The following PBRM1 variants were observed in gnomAD, a reference collection of about 807,000 sequenced individuals.
The protein encoded by PBRM1 is protein polybromo-1.
Under a neutral mutation model 194.5 loss-of-function variants are expected in PBRM1, and 27 were observed. The observed-to-expected ratio is 0.14, with a 90% CI of 0.10 to 0.19. The LOEUF is 0.19. PBRM1 is among the 10% of genes least tolerant of loss of function. The probability of loss-of-function intolerance (pLI) is 1.00; values close to 1 mark genes in which losing one functional copy is unlikely to be tolerated. For missense variants in PBRM1, 1,466 were observed against 2,077.2 expected (o/e 0.71, Z 5.72); for synonymous variants, 655 against 693.2 (o/e 0.94, Z 0.87).
chr3:52,548,344 T>A, intron 29 of PBRM1, 109 bp from the exon 32 acceptor site: 1 of 632,006 alleles, frequency 1.6e-6, no homozygotes, highest in Non-Finnish European at 2.5e-6. Flanking sequence ...TGAATATTTA[T>A]TAAATATTAT....
rs1577977923 is a variant in PBRM1, at chr3:52,664,013, T to G, written c.385-1737A>C. On this transcript the variant is annotated intron_variant, in intron 3 of 29. Coordinates refer to ENST00000296302, the Ensembl canonical transcript of PBRM1. The stretch of plus-strand genomic sequence containing the variant: ...AGGCGGAGCTTGCAGTAAGCCGAGA[T>G]AGCGCCACTGAACTCCAGCCTGGGT... Among the ~76,000 whole-genome samples, 8 of 148,572 alleles carry G rather than the reference T, an allele frequency of 5.4e-5. No homozygotes were observed. In the South Asian group the frequency reaches 1.7e-3, roughly 32 times the overall value.
At chr3:52,659,323 T>C (rs1297293776) in intron 4 of PBRM1, among the ~76,000 whole-genome samples, 2 of 152,250 alleles carry the variant, frequency 1.3e-5, no homozygotes, top group African/African-American at 2.4e-5. Flanking sequence ...TTTTTGTACA[T>C]ATAAAATAAA....
intron 1 of PBRM1, among the ~76,000 whole-genome samples, chr3:52,679,259 A>G (rs2097163503): frequency 6.8e-6 from 1 of 147,054 alleles, no homozygotes; most frequent in Non-Finnish European, 1.5e-5. Context: ...CCCGCCTGGA[A>G]TCTAAGTTCC....
At chr3:52,636,298 A>G (rs2095809291) in intron 10 of PBRM1, among the ~76,000 whole-genome samples, 1 of 152,176 alleles carries the variant, frequency 6.6e-6, no homozygotes, top group Non-Finnish European at 1.5e-5. Flanking sequence ...AATCATAAAA[A>G]CACCAAAGCA....
intron 6 of PBRM1, among the ~76,000 whole-genome samples, chr3:52,650,929 A>C (rs2096473880): frequency 6.6e-6 from 1 of 152,290 alleles, no homozygotes; most frequent in Non-Finnish European, 1.5e-5. Flanking sequence ...TCAGTCACAC[A>C]ATTAATATTT....
At chr3:52,678,041 C>G (rs2097142711) in intron 2 of PBRM1, among the ~76,000 whole-genome samples, 1 of 151,688 alleles carries the variant, frequency 6.6e-6, no homozygotes, top group Non-Finnish European at 1.5e-5. Context: ...GCTAATTTTT[C>G]AAAAAATTTT....
chr3:52,641,463 A>G (rs1221444150), intron 10 of PBRM1, among the ~76,000 whole-genome samples: 4 of 147,088 alleles, frequency 2.7e-5, no homozygotes, highest in African/African-American at 7.7e-5. Context: ...AAAAAAAAAA[A>G]GAAAAAAAAA....
chr3:52,643,216 TC>T, intron 9 of PBRM1, 31 bp downstream of exon 10: 2 of 1,438,984 alleles, frequency 1.4e-6, no homozygotes, highest in Non-Finnish European at 2.0e-6. Context: ...TAAGCACAGG[TC>T]AACTCTCAGA....
chr3:52,558,475 T>C (rs1269495741), intron 25 of PBRM1, 62 bp from the exon 28 acceptor site: 20 of 1,391,114 alleles, frequency 1.4e-5, no homozygotes, highest in East Asian at 7.6e-5. Flanking sequence ...ATACCATCCA[T>C]TGCATTCAAC....
intron 13 of PBRM1, among the ~76,000 whole-genome samples, chr3:52,620,372 C>G (rs1222138449): frequency 6.6e-6 from 1 of 152,152 alleles, no homozygotes; most frequent in East Asian, 1.9e-4. Flanking sequence ...CAGGATCTCT[C>G]CAATAAACAG....
intron 10 of PBRM1, among the ~76,000 whole-genome samples, chr3:52,637,773 C>CAAAAAAAA (rs755241328): frequency 0.022 from 945 of 42,170 alleles, 61 homozygotes; most frequent in African/African-American, 0.057. Context: ...ACTAAAAATA[C>CAAAAAAAA]AAAAAAAAAA....
intron 2 of PBRM1, among the ~76,000 whole-genome samples, chr3:52,672,703 AG>A (rs1392547794): frequency 6.6e-6 from 1 of 151,944 alleles, no homozygotes; most frequent in Non-Finnish European, 1.5e-5. Flanking sequence ...CATGTTGGTC[AG>A]GCTGGTCTCG....
chr3:52,679,252 G>A (rs762897933), intron 1 of PBRM1, among the ~76,000 whole-genome samples: 17 of 150,018 alleles, frequency 1.1e-4, no homozygotes, highest in Admixed American at 8.8e-4. Context: ...TACTTCCCCC[G>A]CCTGGAATCT....
At chr3:52,584,162 A>G (rs1275888860) in intron 20 of PBRM1, among the ~76,000 whole-genome samples, 2 of 152,072 alleles carry the variant, frequency 1.3e-5, no homozygotes, top group African/African-American at 4.8e-5. Flanking sequence ...AATCTATGCA[A>G]GTCTTTTATG....
chr3:52,612,500 G>A (rs750789029), intron 15 of PBRM1, among the ~76,000 whole-genome samples: 8 of 152,068 alleles, frequency 5.3e-5, no homozygotes, highest in Non-Finnish European at 1.0e-4. Context: ...AAGCAAGCCT[G>A]TCTAACCTAG....
rs1560514447 is a variant in PBRM1 at position 52,628,875 on chromosome 3, C to CA, written c.1443+18dup. The CA allele has an allele frequency of 6.2e-7, 1 of 1,611,980 alleles. No individual in the cohort carries two copies. Among genetic ancestry groups the CA allele is most frequent in the Non-Finnish European group, 8.5e-7 (1 of 1,178,702 alleles). ...TTAATCATATATACAACAAACTCAG[C>CA]AAAAACAATAAATCACACCTGCATA... On this transcript the variant is annotated intron_variant, in intron 12 of 29. Transcript: ENST00000296302.
chr3:52,634,865 G>T, intron 10 of PBRM1, 50 bp from the exon 12 acceptor site: 3 of 1,255,254 alleles, frequency 2.4e-6, no homozygotes, highest in Non-Finnish European at 2.3e-6. Flanking sequence ...GATGAAGAAA[G>T]AACCATACTT....
chr3:52,653,911 A>G (rs1297293291), intron 5 of PBRM1, among the ~76,000 whole-genome samples: 1 of 152,222 alleles, frequency 6.6e-6, no homozygotes, highest in Admixed American at 6.5e-5. Context: ...CTGTCTTGAA[A>G]AAAGAAAAGA....
rs571962559 is a variant in PBRM1, at chr3:52,591,788, G to C, written c.2780-2533C>G. On this transcript the variant is annotated intron_variant, in intron 17 of 29. Transcript: ENST00000296302. ...CCGCCCCGGCCTCCCAAGCTGTTGGGATTACAGGCGTCAGCCACTGCGCCC... is the reference window on the plus strand; with the variant it reads ...CCGCCCCGGCCTCCCAAGCTGTTGGCATTACAGGCGTCAGCCACTGCGCCC... Among the ~76,000 whole-genome samples, 51 of 146,348 alleles carry C rather than the reference G, an allele frequency of 3.5e-4. 2 individuals carry two copies. Among genetic ancestry groups the C allele is most frequent in the African/African-American group, 1.3e-3 (51 of 39,836 alleles).
Sources: allele counts gnomAD v4.1 joint callset (sites outside exome capture counted in the v4.1 genomes callset), GRCh38; gene constraint gnomAD v4.1.1; transcripts MANE v1.5; gene names NCBI Gene and HGNC (gene_info 2026-07-23, HGNC 2026-07-21).